Variants in ABCA9 observed in about 807,000 individuals in gnomAD.
ABCA9 encodes the protein ATP-binding cassette sub-family A member 9.
Under a neutral mutation model 205.3 loss-of-function variants are expected in ABCA9, and 183 were observed. That is an observed-to-expected ratio of 0.89 (90% CI 0.79 to 1.01). The LOEUF (loss-of-function observed/expected upper bound fraction) is 1.01, where lower values mean the gene tolerates loss of function less well. Among genes scored for constraint, ABCA9 ranks in the 50% least tolerant of loss-of-function variants. The pLI is 0.00. For missense variants in ABCA9, 1,805 were observed against 1,912.4 expected (o/e 0.94, Z 1.05); for synonymous variants, 651 against 683.3 (o/e 0.95, Z 0.74).
intron 10 of ABCA9, among the ~76,000 whole-genome samples, chr17:69,029,482 G>A (rs912344631): frequency 2.6e-5 from 4 of 152,098 alleles, no homozygotes; most frequent in East Asian, 1.9e-4. Flanking sequence ...CTTAGCACAC[G>A]GAAATATATT....
At chr17:68,996,354 C>A (rs750373539) in intron 25 of ABCA9, among the ~76,000 whole-genome samples, 4 of 152,122 alleles carry the variant, frequency 2.6e-5, no homozygotes, top group Non-Finnish European at 4.4e-5. Context: ...TCATAGACAT[C>A]CTTTTAGGCT....
In ABCA9 at chr17:69,012,068, C is replaced by T. The variant is rs1299041328; in HGVS notation, c.3055G>A (p.Glu1019Lys). 3.1e-6 allele frequency: 5 copies of T among 1,611,598 alleles called. No homozygotes were observed. In the Admixed American group the frequency reaches 5.0e-5, roughly 16 times the overall value. ...STFFEEHMDY[E>K]YGYRSNTFFW... ...AAGGTGTTACTTCGGTACCCATACT[C>T]ATAATCCATATGCTCCTGAAATCAT... The change falls in exon 23 of 39, where the codon GAG becomes AAG. Residue 1019 changes from glutamate (E) to lysine (K), a missense_variant. Physicochemically the swap from Glu to Lys is moderately conservative, Grantham distance 56 (BLOSUM62 1). Coordinates refer to ENST00000340001, the MANE Select transcript of ABCA9 (RefSeq NM_080283.4).
intron 19 of ABCA9, among the ~76,000 whole-genome samples, chr17:69,019,675 T>C (rs1190812713): frequency 1.3e-5 from 2 of 152,200 alleles, no homozygotes; most frequent in South Asian, 4.1e-4. Context: ...AGGTGCTCAC[T>C]AATATTTTTG....
At chr17:69,064,393 T>C (rs1207356625), upstream of ABCA9, among the ~76,000 whole-genome samples, 1 of 152,222 alleles carries the variant, frequency 6.6e-6, no homozygotes, top group African/African-American at 2.4e-5. Context: ...TATGTCTCTA[T>C]ACATCTTTCT....
intron 2 of ABCA9, 43 bp from the exon 3 acceptor site, chr17:69,049,533 T>G: frequency 6.8e-7 from 1 of 1,466,500 alleles, no homozygotes; most frequent in Non-Finnish European, 9.4e-7. Context: ...TGGTAGATGT[T>G]ATACCACAGA....
At chr17:69,041,977 C>A (rs886297558) in intron 6 of ABCA9, among the ~76,000 whole-genome samples, 6 of 152,084 alleles carry the variant, frequency 3.9e-5, no homozygotes, top group African/African-American at 7.2e-5. Flanking sequence ...CGCCCAGAAC[C>A]CTTATATGCA....
intron 29 of ABCA9, 29 bp downstream of exon 29, chr17:68,990,808 A>G (rs771954650): frequency 6.3e-7 from 1 of 1,594,360 alleles, no homozygotes. Flanking sequence ...AAAAAAAAAT[A>G]GTTGACGAAG....
chr17:69,064,872 C>T (rs929669108), upstream of ABCA9, among the ~76,000 whole-genome samples: 1 of 152,100 alleles, frequency 6.6e-6, no homozygotes, highest in African/African-American at 2.4e-5. Flanking sequence ...TTTTTTTTTA[C>T]TATAACAAAT....
chr17:68,980,435 G>T (rs144953881), intron 37 of ABCA9, among the ~76,000 whole-genome samples: 1 of 151,900 alleles, frequency 6.6e-6, no homozygotes, highest in Non-Finnish European at 1.5e-5. Flanking sequence ...TCATTACTGG[G>T]TATATACCCA....
chr17:69,073,325 C>T, the ABCA9 span, among the ~76,000 whole-genome samples: 4 of 152,150 alleles, frequency 2.6e-5, no homozygotes, highest in Non-Finnish European at 5.9e-5. Context: ...ACAGCACTTA[C>T]TCTAAAATCG....
At chr17:69,052,625 T>C (rs561765578) in intron 1 of ABCA9, among the ~76,000 whole-genome samples, 1 of 152,270 alleles carries the variant, frequency 6.6e-6, no homozygotes, top group Admixed American at 6.5e-5. Context: ...ATGCTTGGGT[T>C]TTCCCCACAA....
chr17:69,071,502 C>T, the ABCA9 span, among the ~76,000 whole-genome samples: 3 of 152,272 alleles, frequency 2.0e-5, no homozygotes, highest in Non-Finnish European at 4.4e-5. Context: ...GAAGAGGGGC[C>T]TGACTGTTAG....
chr17:69,016,564 G>T (rs1223884137), intron 21 of ABCA9, among the ~76,000 whole-genome samples, 174 bp from the exon 22 acceptor site: 2 of 151,762 alleles, frequency 1.3e-5, no homozygotes, highest in Admixed American at 6.6e-5. Flanking sequence ...TATACTTAAA[G>T]AATCCGGTAT....
In ABCA9 at chr17:69,027,440, C is replaced by T. The variant is rs149312047; in HGVS notation, c.1801G>A (p.Val601Ile). 2.7e-4 allele frequency: 439 copies of T among 1,607,024 alleles called. 3 individuals carry two copies. In the African/African-American group the frequency reaches 5.3e-3, roughly 20 times the overall value. ...TTTTCCATTTCTAATTCCTGTACAA[C>T]TCGTTGTACCTAATCAAATAAAGAA... Reference protein sequence around the residue: ...PHEVEKEVQRVVQELEMENIQ... With the variant: ...PHEVEKEVQRIVQELEMENIQ... Residue 601 changes from valine to isoleucine, a missense_variant, in exon 14 of 39, where the codon GTT (valine) becomes ATT (isoleucine). Physicochemically the swap from Val to Ile is conservative, Grantham distance 29. Transcript: ENST00000340001.
intron 16 of ABCA9, among the ~76,000 whole-genome samples, chr17:69,025,895 T>A (rs549209058): frequency 6.6e-6 from 1 of 152,228 alleles, no homozygotes; most frequent in African/African-American, 2.4e-5. Flanking sequence ...ATATTCTATA[T>A]GTAAATATCT....
At chr17:69,073,822 G>A in the ABCA9 span, among the ~76,000 whole-genome samples, 1 of 152,070 alleles carries the variant, frequency 6.6e-6, no homozygotes, top group Non-Finnish European at 1.5e-5. Context: ...TCAGCCTCCT[G>A]GGTAGCTTGG....
chr17:68,984,996 A>G lies in ABCA9; in HGVS notation c.4285-17T>C, dbSNP rs2069181953. On this transcript the variant is annotated splice_polypyrimidine_tract_variant and intron_variant, in intron 33 of 38. Coordinates refer to ENST00000340001, the MANE Select transcript of ABCA9 (RefSeq NM_080283.4). ...AAAGCACAGCTGCAACGGGAGGAACAGCCCCTCTGGTTCCCATCTACGGCA... is the reference window on the plus strand; with the variant it reads ...AAAGCACAGCTGCAACGGGAGGAACGGCCCCTCTGGTTCCCATCTACGGCA... 4 of 1,614,102 alleles carry G rather than the reference A, an allele frequency of 2.5e-6. No homozygotes were observed. The highest frequency in any genetic ancestry group is 3.4e-6 in the Non-Finnish European group (4 of 1,180,048).
rs926101199 is a variant in ABCA9, at chr17:69,016,512, A to G, written c.2902-122T>C. ...TAATAAGTCCCAAGCACTGAATGTG[A>G]TTAATATCACTATCACTCATAATAT... On this transcript the variant is annotated intron_variant, in intron 21 of 38. Transcript: ENST00000340001. 20 of 828,188 alleles carry G rather than the reference A, an allele frequency of 2.4e-5. 2 individuals carry two copies. The highest frequency in any genetic ancestry group is 3.0e-5 in the Non-Finnish European group (17 of 566,596). 51.3% of individuals were successfully genotyped at this position (828,188 alleles called of 1,614,324 possible).
chr17:69,059,612 C>A (rs1369208342), intron 1 of ABCA9, among the ~76,000 whole-genome samples: 1 of 152,000 alleles, frequency 6.6e-6, no homozygotes, highest in Non-Finnish European at 1.5e-5. Context: ...ACACTTCTAA[C>A]CCCCAGAGCT....
Sources: gnomAD v4.1 joint callset for allele counts (sites outside exome capture counted in the v4.1 genomes callset) on GRCh38, gnomAD v4.1.1 for gene constraint, MANE v1.5 for transcripts, NCBI Gene and HGNC (gene_info 2026-07-23, HGNC 2026-07-21) for gene names.